Variants in DOCK5 observed in about 807,000 individuals in gnomAD.
The protein encoded by DOCK5 is dedicator of cytokinesis protein 5.
Under a neutral mutation model 251.8 loss-of-function variants are expected in DOCK5, and 142 were observed. That is an observed-to-expected ratio of 0.56 (90% CI 0.49 to 0.65). The LOEUF is 0.65. DOCK5 is among the 30% of genes least tolerant of loss of function. The probability of loss-of-function intolerance (pLI) is 0.00; values close to 1 mark genes in which losing one functional copy is unlikely to be tolerated. For synonymous variants in DOCK5, 842 were observed against 835.5 expected (o/e 1.01, Z -0.13); for missense variants, 2,111 against 2,312.3 (o/e 0.91, Z 1.79).
chr8:25,325,628 A>G, intron 18 of DOCK5, 81 bp downstream of exon 18: 19 of 1,523,476 alleles, frequency 1.2e-5, no homozygotes, highest in Non-Finnish European at 1.7e-5. Context: ...ACAGGGCTGG[A>G]CTATATGGGG....
At chr8:25,290,024 A>G (rs1804447139) in intron 5 of DOCK5, among the ~76,000 whole-genome samples, 1 of 152,098 alleles carries the variant, frequency 6.6e-6, no homozygotes, top group South Asian at 2.1e-4. Flanking sequence ...TTCTTCTTAT[A>G]CTTTTCATCA....
intron 34 of DOCK5, among the ~76,000 whole-genome samples, chr8:25,370,785 C>T (rs1054891190): frequency 3.3e-5 from 5 of 151,938 alleles, no homozygotes; most frequent in South Asian, 4.2e-4. Flanking sequence ...GGACTGTAGG[C>T]GTGCACCACC....
intron 11 of DOCK5, among the ~76,000 whole-genome samples, chr8:25,306,550 TG>T (rs879733207): frequency 4.0e-4 from 61 of 151,876 alleles, no homozygotes; most frequent in Non-Finnish European, 8.4e-4. Flanking sequence ...AAAAATTATC[TG>T]GGCACAGTGG....
At chr8:25,315,144 T>TTTTTTTTTTTTTTTTTTTTTTGAG (rs1805207828) in intron 13 of DOCK5, among the ~76,000 whole-genome samples, 1 of 100,796 alleles carries the variant, frequency 9.9e-6, no homozygotes, top group Non-Finnish European at 2.2e-5. Flanking sequence ...TTAAAATTCT[T>TTTTTTTTTTTTTTTTTTTTTTGAG]AATTTGCCCA....
chr8:25,194,842 T>C (rs1801678803), intron 1 of DOCK5, among the ~76,000 whole-genome samples: 1 of 152,180 alleles, frequency 6.6e-6, no homozygotes, highest in African/African-American at 2.4e-5. Context: ...CTCCAAAATA[T>C]GTCCTCAGAT....
At chr8:25,381,352 C>T (rs758984097) in intron 39 of DOCK5, among the ~76,000 whole-genome samples, 5 of 152,116 alleles carry the variant, frequency 3.3e-5, no homozygotes, top group East Asian at 1.9e-4. Flanking sequence ...GGGCTGGGCA[C>T]GGTGGCTCAT....
chr8:25,388,080 T>C lies in DOCK5; in HGVS notation c.4132-1011T>C, dbSNP rs114777324. ...AGTAGTTTTTACTCCCTTCATTCAG[T>C]GTTTGCCTGGAAAGTGTAATTGCCC... On this transcript the variant is annotated intron_variant, in intron 40 of 51. Coordinates refer to ENST00000276440, the MANE Select transcript of DOCK5 (RefSeq NM_024940.8). Among the ~76,000 whole-genome samples, 622 of 152,288 alleles carry C rather than the reference T, an allele frequency of 4.1e-3. 4 individuals carry two copies. Among genetic ancestry groups the C allele is most frequent in the African/African-American group, 0.015 (609 of 41,548 alleles).
At chr8:25,283,536 C>T (rs532692538) in intron 5 of DOCK5, among the ~76,000 whole-genome samples, 1 of 152,156 alleles carries the variant, frequency 6.6e-6, no homozygotes, top group African/African-American at 2.4e-5. Flanking sequence ...ACAAGGACTC[C>T]GCCAATGGGA....
At chr8:25,319,930 G>T (rs1031600820) in intron 15 of DOCK5, among the ~76,000 whole-genome samples, 2 of 152,154 alleles carry the variant, frequency 1.3e-5, no homozygotes. Context: ...TGCCAAGATG[G>T]TACAAAACCA....
chr8:25,279,787 T>G (rs1804141458), intron 5 of DOCK5, among the ~76,000 whole-genome samples: 1 of 151,692 alleles, frequency 6.6e-6, no homozygotes, highest in South Asian at 2.1e-4. Flanking sequence ...GCTAATTTTT[T>G]TTTTTTTTTG....
chr8:25,363,919 C>CG lies in DOCK5; in HGVS notation c.3045-706dup, dbSNP rs1563216960. ...ACCTGGATGTCATCTCTTCTTCCTT[C>CG]GATTTTCCATACCCCATTCAAACCT... On this transcript the variant is annotated intron_variant, in intron 29 of 51. Coordinates refer to ENST00000276440, the MANE Select transcript of DOCK5 (RefSeq NM_024940.8). 3.3e-5 allele frequency among the ~76,000 whole-genome samples: 5 copies of CG among 152,204 alleles called. No individual in the cohort carries two copies. In the South Asian group the frequency reaches 8.3e-4, roughly 25 times the overall value.
intron 25 of DOCK5, 45 bp from the exon 26 acceptor site, chr8:25,345,430 G>C: frequency 1.2e-6 from 2 of 1,606,760 alleles, no homozygotes; most frequent in African/African-American, 2.7e-5. Context: ...GGCAGTTCAG[G>C]AGGTGGCACT....
intron 14 of DOCK5, among the ~76,000 whole-genome samples, chr8:25,318,012 C>CT (rs1554482314): frequency 6.6e-6 from 1 of 152,192 alleles, no homozygotes; most frequent in Non-Finnish European, 1.5e-5. Flanking sequence ...GGGAGGGTAT[C>CT]TAAGTATCCT....
chr8:25,213,170 C>T (rs1437057960), intron 1 of DOCK5, among the ~76,000 whole-genome samples: 1 of 151,932 alleles, frequency 6.6e-6, no homozygotes, highest in African/African-American at 2.4e-5. Context: ...AGAGAAGTTT[C>T]CTGTGCGTCA....
chr8:25,373,564 G>T, intron 35 of DOCK5, 54 bp from the exon 36 acceptor site: 1 of 1,516,794 alleles, frequency 6.6e-7, no homozygotes, highest in Non-Finnish European at 9.0e-7. Context: ...CTATTTTTGT[G>T]TCAATAGCTC....
At chr8:25,193,532 G>A (rs1487431974) in intron 1 of DOCK5, among the ~76,000 whole-genome samples, 3 of 151,998 alleles carry the variant, frequency 2.0e-5, no homozygotes, top group Non-Finnish European at 2.9e-5. Flanking sequence ...AGACTGAAAC[G>A]AGAGGATTGC....
rs137884895 is a variant in DOCK5 at position 25,313,611 on chromosome 8, G to A, written c.1318+3079G>A. 3.4e-3 allele frequency among the ~76,000 whole-genome samples: 516 copies of A among 152,250 alleles called. 1 individual carries two copies. The highest frequency in any genetic ancestry group is 6.8e-3 in the Middle Eastern group (2 of 294). ...AGCAAAATACCACGGACTGGGTGGC[G>A]TCAACAACGTTTATTTTCTCACAAC... On this transcript the variant is annotated intron_variant, in intron 13 of 51. Transcript: ENST00000276440.
At chr8:25,251,230 C>G (rs191464414) in intron 2 of DOCK5, among the ~76,000 whole-genome samples, 5 of 152,280 alleles carry the variant, frequency 3.3e-5, no homozygotes, top group African/African-American at 1.2e-4. Flanking sequence ...GGGGTAAATA[C>G]AACACAATTG....
intron 41 of DOCK5, among the ~76,000 whole-genome samples, chr8:25,389,867 AT>A (rs965736298): frequency 5.7e-4 from 86 of 151,956 alleles, no homozygotes; most frequent in African/African-American, 1.9e-3. Flanking sequence ...GATTCTGGTG[AT>A]TTCAGAGGGA....
Sources: gnomAD v4.1 joint callset for allele counts (sites outside exome capture counted in the v4.1 genomes callset) on GRCh38, gnomAD v4.1.1 for gene constraint, MANE v1.5 for transcripts, NCBI Gene and HGNC (gene_info 2026-07-23, HGNC 2026-07-21) for gene names.